The following TMEM62 variants were observed in gnomAD, a reference collection of about 807,000 sequenced individuals.
The protein encoded by TMEM62 is transmembrane protein 62.
A neutral mutation model predicts 70.4 loss-of-function variants in TMEM62; 41 were observed. That is an observed-to-expected ratio of 0.58 (90% CI 0.45 to 0.76). TMEM62 has a LOEUF of 0.76. TMEM62 is among the 30% of genes least tolerant of loss of function. The pLI is 0.00. For missense variants in TMEM62, 688 were observed against 788.5 expected, an observed-to-expected ratio of 0.87 and a Z score of 1.53; for synonymous variants, 268 against 291.0, an observed-to-expected ratio of 0.92 and a Z score of 0.80.
intron 7 of TMEM62, among the ~76,000 whole-genome samples, chr15:43,151,499 A>G (rs1217530966): frequency 6.6e-6 from 1 of 152,150 alleles, no homozygotes; most frequent in Non-Finnish European, 1.5e-5. Flanking sequence ...GGATAAGATG[A>G]GTTACTTCAA....
chr15:43,167,259 G>GGCTGACCGGCCGAGCGGGA (rs2039581764), intron 10 of TMEM62, among the ~76,000 whole-genome samples: 1 of 150,154 alleles, frequency 6.7e-6, no homozygotes, highest in South Asian at 2.1e-4. Context: ...GCCGAGCGGG[G>GGCTGACCGGCCGAGCGGGA]GGCTGACCCC....
chr15:43,171,187 T>C (rs752373310), intron 11 of TMEM62, among the ~76,000 whole-genome samples: 2 of 151,910 alleles, frequency 1.3e-5, no homozygotes, highest in African/African-American at 2.4e-5. Flanking sequence ...AATACAAAAA[T>C]TAGCCAGGCA....
intron 11 of TMEM62, among the ~76,000 whole-genome samples, chr15:43,176,925 G>C (rs1273836491): frequency 6.6e-6 from 1 of 152,018 alleles, no homozygotes; most frequent in Non-Finnish European, 1.5e-5. Flanking sequence ...AGGCAAAGAA[G>C]TTAAAAACTT....
chr15:43,133,608 A>G lies in TMEM62; in HGVS notation c.-195A>G. ...GTCACTTGCGCGGCCAGAGAGGGGC[A>G]GGTGCTGGGCGGCGGCTGACGGGCG... On this transcript the variant is annotated 5_prime_UTR_variant, in exon 1 of 14. Transcript: ENST00000260403. The G allele has an allele frequency of 2.6e-6, 1 of 383,062 alleles. No homozygotes were observed. The highest frequency in any genetic ancestry group is 6.8e-4 in the Middle Eastern group (1 of 1,474). The allele number at this position is 383,062 out of a possible 1,614,324, so 23.7% of individuals were successfully genotyped here.
chr15:43,153,147 C>G (rs568674036), intron 8 of TMEM62, among the ~76,000 whole-genome samples: 4 of 152,156 alleles, frequency 2.6e-5, no homozygotes, highest in African/African-American at 9.6e-5. Flanking sequence ...AGAAAGAGTT[C>G]TAGAAGTGGG....
intron 10 of TMEM62, among the ~76,000 whole-genome samples, chr15:43,161,219 T>C (rs1028862228): frequency 6.6e-6 from 1 of 152,130 alleles, no homozygotes; most frequent in Non-Finnish European, 1.5e-5. Flanking sequence ...AAATTAAAGG[T>C]TAGTTATTTG....
At position 43,181,271 on chromosome 15, in the gene TMEM62, G is replaced by A; in HGVS notation, c.1577G>A (p.Ser526Asn). 6.2e-7 allele frequency: 1 copy of A among 1,612,680 alleles called. No individual in the cohort carries two copies. Among genetic ancestry groups the A allele is most frequent in the Non-Finnish European group, 8.5e-7 (1 of 1,178,892 alleles). Residue 526 changes from serine (S) to asparagine (N), a missense_variant, in exon 13 of 14, where the codon AGC (serine) becomes AAC (asparagine). By Grantham distance (46) the Ser-to-Asn change is conservative. Coordinates refer to ENST00000260403, the MANE Select transcript of TMEM62 (RefSeq NM_024956.4). The stretch of plus-strand genomic sequence containing the variant: ...GTTAATGGACATTTCCTACAAGGCA[G>A]CATAACATTTATAATTGGAATTCTC... Reference protein sequence around the residue: ...IFVNGHFLQGSITFIIGILQL... With the variant: ...IFVNGHFLQGNITFIIGILQL...
At chr15:43,182,318 C>T (rs535975771) in intron 13 of TMEM62, among the ~76,000 whole-genome samples, 1 of 152,262 alleles carries the variant, frequency 6.6e-6, no homozygotes, top group East Asian at 1.9e-4. Context: ...CATGATCCAA[C>T]AGGATTAGAG....
intron 10 of TMEM62, among the ~76,000 whole-genome samples, chr15:43,164,639 C>A (rs1485854307): frequency 6.6e-6 from 1 of 152,006 alleles, no homozygotes; most frequent in Non-Finnish European, 1.5e-5. Flanking sequence ...GAATTACAGG[C>A]GTGAATCACT....
chr15:43,172,331 C>T (rs1214806029), intron 11 of TMEM62, among the ~76,000 whole-genome samples: 3 of 152,080 alleles, frequency 2.0e-5, no homozygotes, highest in Middle Eastern at 3.2e-3. Flanking sequence ...ACATAGATTA[C>T]TTATGAAAAC....
chr15:43,134,843 T>G (rs554235660), intron 2 of TMEM62, among the ~76,000 whole-genome samples: 125 of 152,332 alleles, frequency 8.2e-4, no homozygotes, highest in African/African-American at 3.0e-3. Flanking sequence ...TTTTATGACT[T>G]AAGTTTTCTA....
chr15:43,159,448 A>G (rs1455092714), intron 9 of TMEM62, among the ~76,000 whole-genome samples: 1 of 152,076 alleles, frequency 6.6e-6, no homozygotes, highest in East Asian at 1.9e-4. Flanking sequence ...CCATGAGTTC[A>G]ATTGTTTTGA....
At chr15:43,153,678 GTGTGTGTGTA>G (rs2037682128) in intron 8 of TMEM62, among the ~76,000 whole-genome samples, 1 of 151,608 alleles carries the variant, frequency 6.6e-6, no homozygotes, top group African/African-American at 2.4e-5. Flanking sequence ...GTGTGTGTGT[GTGTGTGTGTA>G]TATACACACA....
chr15:43,166,253 C>CT (rs898278840), intron 10 of TMEM62, among the ~76,000 whole-genome samples: 5 of 151,986 alleles, frequency 3.3e-5, no homozygotes, highest in South Asian at 2.1e-4. Context: ...GTTTTCTTTT[C>CT]TTTTTTTTCT....
intron 2 of TMEM62, 99 bp downstream of exon 2, chr15:43,134,467 A>G (rs939585295): frequency 3.3e-6 from 3 of 897,308 alleles, no homozygotes; most frequent in African/African-American, 3.3e-5. Context: ...TGGGAGCAGT[A>G]TAGCCACAGC....
At chr15:43,134,003 G>T in intron 1 of TMEM62, 21 bp downstream of exon 1, 1 of 1,436,692 alleles carries the variant, frequency 7.0e-7, no homozygotes, top group African/African-American at 1.4e-5. Context: ...GGGAAGCCGG[G>T]CCGGGAGGCA....
intron 5 of TMEM62, 24 bp from the exon 6 acceptor site, chr15:43,148,731 C>G: frequency 3.1e-6 from 5 of 1,607,710 alleles, no homozygotes; most frequent in Non-Finnish European, 4.2e-6. Context: ...AATTTAAGAT[C>G]CTTCCATTTT....
At chr15:43,177,372 G>C (rs2040864238) in intron 11 of TMEM62, among the ~76,000 whole-genome samples, 1 of 151,966 alleles carries the variant, frequency 6.6e-6, no homozygotes, top group Non-Finnish European at 1.5e-5. Flanking sequence ...AGAGGATGTG[G>C]AGAAATAGGA....
At chr15:43,142,753 C>T (rs1467148838) in intron 4 of TMEM62, among the ~76,000 whole-genome samples, 1 of 151,582 alleles carries the variant, frequency 6.6e-6, no homozygotes, top group Non-Finnish European at 1.5e-5. Flanking sequence ...ACTGCAATCT[C>T]CACCTTCCAG....
Sources: allele counts gnomAD v4.1 joint callset (sites outside exome capture counted in the v4.1 genomes callset), GRCh38; gene constraint gnomAD v4.1.1; transcripts MANE v1.5; gene names NCBI Gene and HGNC (gene_info 2026-07-23, HGNC 2026-07-21).